Variants in TPTE observed in about 807,000 individuals in gnomAD.
TPTE encodes the protein putative tyrosine-protein phosphatase TPTE.
A neutral mutation model predicts 84.1 loss-of-function variants in TPTE; 59 were observed. The ratio of observed to expected loss-of-function variants is 0.70; its 90% CI spans 0.57 to 0.87. The LOEUF is 0.87. Among genes scored for constraint, TPTE ranks in the 40% least tolerant of loss-of-function variants. TPTE has a pLI of 0.00. For missense variants in TPTE, 382 were observed against 659.6 expected, an observed-to-expected ratio of 0.58 and a Z score of 4.61; for synonymous variants, 130 against 223.5, an observed-to-expected ratio of 0.58 and a Z score of 3.73.
intron 1 of TPTE, among the ~76,000 whole-genome samples, chr21:10,521,905 C>T (rs1267589052): frequency 6.6e-6 from 1 of 152,038 alleles, no homozygotes; most frequent in African/African-American, 2.4e-5. Flanking sequence ...CTCCGCGACG[C>T]CTCCCTCCCT....
At chr21:10,552,521 T>A in intron 7 of TPTE, 136 bp from the exon 8 acceptor site, 7 of 1,403,652 alleles carry the variant, frequency 5.0e-6, no homozygotes, top group South Asian at 2.8e-5. Flanking sequence ...AAATATTAGG[T>A]CTTCCAGTGA....
intron 6 of TPTE, among the ~76,000 whole-genome samples, 198 bp from the exon 7 acceptor site, chr21:10,543,131 G>A (rs1197243597): frequency 7.7e-6 from 1 of 130,234 alleles, no homozygotes; most frequent in Non-Finnish European, 1.5e-5. Context: ...CCGGGTTCAC[G>A]CCATTCTCCT....
intron 7 of TPTE, among the ~76,000 whole-genome samples, chr21:10,549,950 A>G (rs1429752942): frequency 1.3e-5 from 2 of 152,308 alleles, no homozygotes; most frequent in African/African-American, 4.8e-5. Context: ...TGGAATCCCC[A>G]TTAGACTAAC....
At chr21:10,600,736 A>T (rs1055817671) in intron 21 of TPTE, among the ~76,000 whole-genome samples, 1 of 152,310 alleles carries the variant, frequency 6.6e-6, no homozygotes, top group Admixed American at 6.5e-5. Context: ...TGTTTTTCAC[A>T]GGGCCTAGTA....
intron 14 of TPTE, among the ~76,000 whole-genome samples, chr21:10,572,004 CA>C (rs59120761): frequency 0.2 from 29,263 of 142,916 alleles, 127 homozygotes; most frequent in East Asian, 0.25. Flanking sequence ...TACCCTGTCT[CA>C]AAAAAAAAAA....
chr21:10,547,342 A>T (rs2074487650), intron 7 of TPTE, among the ~76,000 whole-genome samples: 1 of 152,302 alleles, frequency 6.6e-6, no homozygotes, highest in Non-Finnish European at 1.5e-5. Flanking sequence ...TTGCCACAGC[A>T]TGGAAGCACT....
chr21:10,564,170 A>G (rs1364033095), intron 10 of TPTE, among the ~76,000 whole-genome samples: 1 of 152,398 alleles, frequency 6.6e-6, no homozygotes, highest in East Asian at 1.9e-4. Flanking sequence ...AATAAAATAA[A>G]AAAACCCATT....
intron 22 of TPTE, chr21:10,602,781 G>T (rs768773762): frequency 1.9e-6 from 1 of 518,098 alleles, no homozygotes; most frequent in East Asian, 5.4e-5. Context: ...ACTAGAAGGG[G>T]GAGCCATCCA....
intron 7 of TPTE, among the ~76,000 whole-genome samples, chr21:10,551,693 C>T (rs1432727772): frequency 6.6e-6 from 1 of 152,212 alleles, no homozygotes; most frequent in African/African-American, 2.4e-5. Context: ...AAGGGAAGAC[C>T]CAAATAAGTA....
chr21:10,564,745 A>C (rs2074882869), intron 10 of TPTE, among the ~76,000 whole-genome samples: 1 of 152,312 alleles, frequency 6.6e-6, no homozygotes, highest in African/African-American at 2.4e-5. Flanking sequence ...GTAAAGGATA[A>C]AAACCATAAG....
intron 3 of TPTE, among the ~76,000 whole-genome samples, chr21:10,528,529 A>C (rs1189438811): frequency 6.6e-6 from 1 of 152,308 alleles, no homozygotes; most frequent in East Asian, 1.9e-4. Context: ...TCCATGTGGC[A>C]AATCTCTAAT....
intron 10 of TPTE, among the ~76,000 whole-genome samples, chr21:10,564,456 G>A (rs2074874234): frequency 6.6e-6 from 1 of 152,312 alleles, no homozygotes; most frequent in Admixed American, 6.5e-5. Context: ...GTTGCAGTGA[G>A]CTGAGATCAC....
intron 10 of TPTE, among the ~76,000 whole-genome samples, chr21:10,562,702 A>G (rs2074833598): frequency 6.6e-6 from 1 of 152,306 alleles, no homozygotes; most frequent in African/African-American, 2.4e-5. Flanking sequence ...AAGACAGGCT[A>G]TTTCAAAATA....
At chr21:10,545,602 T>A (rs1194641903) in intron 7 of TPTE, among the ~76,000 whole-genome samples, 3 of 152,090 alleles carry the variant, frequency 2.0e-5, no homozygotes, top group Non-Finnish European at 4.4e-5. Context: ...ACTACTGACA[T>A]TATTAATTTG....
At chr21:10,605,220 T>C (rs1484770443) in intron 23 of TPTE, among the ~76,000 whole-genome samples, 197 bp from the exon 24 acceptor site, 1 of 152,306 alleles carries the variant, frequency 6.6e-6, no homozygotes, top group Non-Finnish European at 1.5e-5. Flanking sequence ...GTGTTACTGA[T>C]GTGTTGCTGA....
At chr21:10,541,075 C>A in intron 4 of TPTE, 37 bp from the exon 5 acceptor site, 1 of 1,611,658 alleles carries the variant, frequency 6.2e-7, no homozygotes, top group Non-Finnish European at 8.5e-7. Context: ...ATTAGAATTA[C>A]GCATTGGGTC....
chr21:10,585,650 G>A (rs1332318005), intron 17 of TPTE, among the ~76,000 whole-genome samples: 2 of 152,306 alleles, frequency 1.3e-5, no homozygotes, highest in Admixed American at 6.5e-5. Flanking sequence ...TATTCTCTGG[G>A]TAAATTTATG....
intron 1 of TPTE, among the ~76,000 whole-genome samples, chr21:10,523,172 G>GA (rs1311651220): frequency 6.6e-6 from 1 of 152,296 alleles, no homozygotes; most frequent in African/African-American, 2.4e-5. Flanking sequence ...ACATACAAAA[G>GA]AAAAAATAAC....
intron 17 of TPTE, among the ~76,000 whole-genome samples, chr21:10,588,399 T>G (rs2075404966): frequency 6.6e-6 from 1 of 152,310 alleles, no homozygotes; most frequent in African/African-American, 2.4e-5. Context: ...CTGATGGGGC[T>G]ACCTTTGTGT....
Sources: gnomAD v4.1 joint callset for allele counts (sites outside exome capture counted in the v4.1 genomes callset) on GRCh38, gnomAD v4.1.1 for gene constraint, MANE v1.5 for transcripts, NCBI Gene and HGNC (gene_info 2026-07-23, HGNC 2026-07-21) for gene names.